SOX30: variants seen among roughly 807,000 people sequenced by gnomAD.
SOX30 encodes transcription factor SOX-30.
SOX30 carries 17 observed loss-of-function variants against 58.6 expected under a neutral mutation model. The observed-to-expected ratio is 0.29, with a 90% CI of 0.20 to 0.44. The LOEUF is 0.44. Ranked by LOEUF, SOX30 falls within the 20% of genes least tolerant of loss-of-function variation. The pLI, the probability that SOX30 is intolerant of heterozygous loss-of-function variation, is 1.00. For synonymous variants in SOX30, 421 were observed against 400.2 expected, an observed-to-expected ratio of 1.05 and a Z score of -0.62; for missense variants, 951 against 965.8, an observed-to-expected ratio of 0.98 and a Z score of 0.20.
intron 3 of SOX30, among the ~76,000 whole-genome samples, chr5:157,641,307 G>C (rs1008241104): frequency 6.6e-6 from 1 of 152,096 alleles, no homozygotes; most frequent in Non-Finnish European, 1.5e-5. Context: ...TAATGCACCA[G>C]ACATAAAAAT....
intron 1 of SOX30, among the ~76,000 whole-genome samples, chr5:157,650,696 A>C (rs1759306310): frequency 6.6e-6 from 1 of 152,328 alleles, no homozygotes; most frequent in East Asian, 1.9e-4. Context: ...TTTCCTGTTT[A>C]ATTATAATCA....
At chr5:157,646,584 A>C in intron 3 of SOX30, 53 bp downstream of exon 3, 1 of 1,359,578 alleles carries the variant, frequency 7.4e-7, no homozygotes. Context: ...ACTTGAGGTA[A>C]AATTTTCTTG....
chr5:157,659,665 A>G (rs1443616005), intron 2 of SOX30, among the ~76,000 whole-genome samples: 4 of 152,238 alleles, frequency 2.6e-5, no homozygotes, highest in African/African-American at 7.2e-5. Context: ...CACAGCCTCA[A>G]GAAGTCCTGA....
At chr5:157,636,164 TGTG>T (rs1482385361) in intron 4 of SOX30, among the ~76,000 whole-genome samples, 2 of 152,226 alleles carry the variant, frequency 1.3e-5, no homozygotes, top group African/African-American at 4.8e-5. Flanking sequence ...AGAGTGAGAC[TGTG>T]GTACACAGCC....
chr5:157,651,898 A>C lies in SOX30; in HGVS notation c.181T>G (p.Ser61Ala). 1 of 1,533,570 alleles carries C rather than the reference A, an allele frequency of 6.5e-7. No homozygotes were observed. Among genetic ancestry groups the C allele is most frequent in the African/African-American group, 1.4e-5 (1 of 73,376 alleles). 95.0% of individuals were successfully genotyped at this position (1,533,570 alleles called of 1,614,324 possible). The change falls in exon 1 of 5, where the codon TCC (serine) becomes GCC (alanine). Residue 61 changes from serine (S) to alanine (A), a missense_variant. Transcript: ENST00000265007. ...CGCCGCACCGCGGGCTGTAAGCCGG[A>C]CGCCACTGCCTCCCCGCACGACGAG... is the stretch of plus-strand genomic sequence containing the variant. ...LASSCGEAVA[S>A]GLQPAVRRLL...
At chr5:157,630,155 A>G (rs779658917) in intron 4 of SOX30, among the ~76,000 whole-genome samples, 6 of 152,106 alleles carry the variant, frequency 3.9e-5, no homozygotes, top group Non-Finnish European at 8.8e-5. Flanking sequence ...TTTAATTTCT[A>G]TCTCCTTATT....
At position 157,668,929 on chromosome 5, in the gene SOX30, C is replaced by G. The variant is rs543899905; in HGVS notation, c.-3-1077G>C. Among the ~76,000 whole-genome samples, 3 of 152,254 alleles carry G rather than the reference C, an allele frequency of 2.0e-5. 1 individual carries two copies. The highest frequency in any genetic ancestry group is 2.0e-4 in the Admixed American group (3 of 15,300). On this transcript the variant is annotated intron_variant, in intron 1 of 5. Coordinates refer to the SOX30 transcript ENST00000519442. ...TACTGGATCCCAGGATCCTGCTGCT[C>G]ATTTGTAAAGTGAGAATGGGAATCC...
chr5:157,666,480 C>G lies in SOX30; in HGVS notation c.52+1318G>C, dbSNP rs1484164224. 1.5e-3 allele frequency among the ~76,000 whole-genome samples: 3 copies of G among 2,058 alleles called. No individual in the cohort carries two copies. The African/African-American group carries it at 0.017, about 12-fold the overall frequency. 1.4% of individuals were successfully genotyped at this position (2,058 alleles called of 152,430 possible). On this transcript the variant is annotated intron_variant, in intron 2 of 5. Transcript: ENST00000519442. Reference sequence around the variant, plus strand: ...ATGAAAGATTCTTTAGTCCAGTAGACACACACACACACACACACACACACA... The same window carrying G: ...ATGAAAGATTCTTTAGTCCAGTAGAGACACACACACACACACACACACACA...
intron 4 of SOX30, among the ~76,000 whole-genome samples, chr5:157,637,776 C>A (rs1758965504): frequency 6.6e-6 from 1 of 152,018 alleles, no homozygotes; most frequent in Non-Finnish European, 1.5e-5. Context: ...TCACTGCAAC[C>A]TCCGCCTCCC....
At chr5:157,629,499 G>A (rs1758738410) in intron 4 of SOX30, among the ~76,000 whole-genome samples, 1 of 152,114 alleles carries the variant, frequency 6.6e-6, no homozygotes, top group Admixed American at 6.5e-5. Flanking sequence ...TGGTAAAGAC[G>A]AGTTCGTGTT....
chr5:157,671,471 C>T (rs1759787315), exon 1 of SOX30: 2 of 654,044 alleles, frequency 3.1e-6, no homozygotes, highest in Non-Finnish European at 5.3e-6. Context: ...CCCTTCCCCG[C>T]AGCCAATATG....
intron 2 of SOX30, among the ~76,000 whole-genome samples, chr5:157,661,262 C>T (rs1352316313): frequency 6.6e-6 from 1 of 152,186 alleles, no homozygotes; most frequent in East Asian, 1.9e-4. Context: ...TGTTGTTAGT[C>T]ATAGGTTTAT....
At chr5:157,642,158 A>T (rs1427968810) in intron 3 of SOX30, among the ~76,000 whole-genome samples, 3 of 152,064 alleles carry the variant, frequency 2.0e-5, no homozygotes. Flanking sequence ...TCTACTAAAA[A>T]TACAAAAATT....
chr5:157,652,083 G>A lies in SOX30; in HGVS notation c.-5C>T, dbSNP rs1200081576. On this transcript the variant is annotated 5_prime_UTR_variant, in exon 1 of 5. Transcript: ENST00000265007. ...CTCGGGTCTGGCTCTCTCCATGGGGGAGGGGGACGCCCCGGCCAGGATTGT... is the reference window on the plus strand; with the variant it reads ...CTCGGGTCTGGCTCTCTCCATGGGGAAGGGGGACGCCCCGGCCAGGATTGT... 5.0e-6 allele frequency: 7 copies of A among 1,399,792 alleles called. No homozygotes were observed. The highest frequency in any genetic ancestry group is 2.3e-4 in the Middle Eastern group (1 of 4,258). 86.7% of individuals were successfully genotyped at this position (1,399,792 alleles called of 1,614,324 possible).
At position 157,629,925 on chromosome 5, in the gene SOX30, G is replaced by C. The variant is rs555188909; in HGVS notation, c.1881-3204C>G. Among the ~76,000 whole-genome samples, 22 of 152,296 alleles carry C rather than the reference G, an allele frequency of 1.4e-4. No individual in the cohort carries two copies. In the South Asian group the frequency reaches 2.5e-3, roughly 17 times the overall value. ...CTCTAGTTCTAGCTATGCCACATAA[G>C]AATCTGGTAAACTTAAGTAAATCTT... On this transcript the variant is annotated intron_variant, in intron 4 of 4. Transcript: ENST00000265007.
chr5:157,638,773 T>C (rs771147056), intron 3 of SOX30, 51 bp from the exon 4 acceptor site: 1 of 1,521,468 alleles, frequency 6.6e-7, no homozygotes, highest in Non-Finnish European at 8.8e-7. Context: ...TCATTCCATG[T>C]TTTTCTTCTT....
intron 3 of SOX30, among the ~76,000 whole-genome samples, chr5:157,645,690 A>G (rs2113845097): frequency 6.6e-6 from 1 of 150,712 alleles, no homozygotes; most frequent in Middle Eastern, 3.5e-3. Flanking sequence ...GACAGCAAGT[A>G]GTGAATGTAT....
At chr5:157,647,693 T>C (rs34857469) in intron 2 of SOX30, among the ~76,000 whole-genome samples, 14,829 of 152,038 alleles carry the variant, frequency 0.098, 885 homozygotes, top group South Asian at 0.16. Context: ...TAGCTGGGAC[T>C]ACAGGTGCCC....
At chr5:157,650,427 TA>T (rs1365969185) in intron 1 of SOX30, among the ~76,000 whole-genome samples, 1 of 152,142 alleles carries the variant, frequency 6.6e-6, no homozygotes, top group African/African-American at 2.4e-5. Context: ...AACTAAATCT[TA>T]AAATAAGAAT....
Sources: gnomAD v4.1 joint callset for allele counts (sites outside exome capture counted in the v4.1 genomes callset) on GRCh38, gnomAD v4.1.1 for gene constraint, MANE v1.5 for transcripts, NCBI Gene and HGNC (gene_info 2026-07-23, HGNC 2026-07-21) for gene names.